Variants in CARHSP1 observed in about 807,000 individuals in gnomAD.
CARHSP1 encodes the protein calcium-regulated heat-stable protein 1.
Under a neutral mutation model 12.5 loss-of-function variants are expected in CARHSP1, and 14 were observed. The observed-to-expected ratio is 1.12, with a 90% CI of 0.74 to 1.75. The LOEUF is 1.75. CARHSP1 is among the 40% of genes most tolerant of loss of function. CARHSP1 has a pLI of 0.00. For missense variants in CARHSP1, 343 were observed against 201.6 expected (o/e 1.70, Z -4.25); for synonymous variants, 161 against 82.0 (o/e 1.96, Z -5.20).
rs1026405059 is a variant in CARHSP1, at chr16:8,853,740, C to G, written c.*1424G>C. 4 of 152,146 alleles carry G rather than the reference C, an allele frequency of 2.6e-5. No homozygotes were observed. The highest frequency in any genetic ancestry group is 9.7e-5 in the African/African-American group (4 of 41,424). 9.4% of individuals were successfully genotyped at this position (152,146 alleles called of 1,614,324 possible). A position where few individuals can be genotyped will look rare whatever the true frequency, so the allele number is the denominator to read the frequency against. On this transcript the variant is annotated 3_prime_UTR_variant, in exon 4 of 4. Transcript: ENST00000311052. ...CTTTGAAATCATGACTAAAGCCAAA[C>G]CACAACCACAGCAAAGATAACCTAA...
At chr16:8,856,629 G>A (rs903160186) in intron 3 of CARHSP1, among the ~76,000 whole-genome samples, 11 of 149,864 alleles carry the variant, frequency 7.3e-5, no homozygotes, top group Admixed American at 4.9e-4. Flanking sequence ...TGGGGCGGGG[G>A]TGGGCAAAGG....
At position 8,861,155 on chromosome 16, in the gene CARHSP1, CTAATTTTTTTTTTTTTTTTTT is replaced by C. The variant is rs2061340825; in HGVS notation, c.-7-1841_-7-1821del. ...TTCACTGTAGCCTTGACCTCCATGC[CTAATTTTTTTTTTTTTTTTTT>C]TTTTTTTTTTTTTTTTTTTTTTTAT... is the stretch of plus-strand genomic sequence containing the variant. On this transcript the variant is annotated intron_variant, in intron 1 of 3. Transcript: ENST00000311052. Among the ~76,000 whole-genome samples, 2 of 131,690 alleles carry C rather than the reference CTAATTTTTTTTTTTTTTTTTT, an allele frequency of 1.5e-5. 1 individual carries two copies. The highest frequency in any genetic ancestry group is 3.2e-5 in the Non-Finnish European group (2 of 63,334). The allele number at this position is 131,690 out of a possible 152,430, so 86.4% of individuals were successfully genotyped here.
chr16:8,865,727 G>A (rs1481506849), intron 1 of CARHSP1, among the ~76,000 whole-genome samples: 2 of 152,202 alleles, frequency 1.3e-5, no homozygotes, highest in Non-Finnish European at 2.9e-5. Context: ...ACAGACTTCT[G>A]CGTCAGGCCC....
At chr16:8,864,626 A>G (rs1335375406) in intron 1 of CARHSP1, among the ~76,000 whole-genome samples, 4 of 152,218 alleles carry the variant, frequency 2.6e-5, no homozygotes, top group Non-Finnish European at 5.9e-5. Flanking sequence ...CCAGCAGGGT[A>G]AGGGGGAGAG....
chr16:8,863,512 G>C (rs1371332419), intron 1 of CARHSP1, among the ~76,000 whole-genome samples: 2 of 152,224 alleles, frequency 1.3e-5, no homozygotes, highest in South Asian at 2.1e-4. Context: ...GCAGGAGGTG[G>C]CTACATTCCT....
At chr16:8,855,578 G>A (rs372817188) in intron 3 of CARHSP1, among the ~76,000 whole-genome samples, 156 of 152,344 alleles carry the variant, frequency 1.0e-3, no homozygotes, top group African/African-American at 3.5e-3. Flanking sequence ...AACTGAAAGA[G>A]TTCAGCCACC....
intron 3 of CARHSP1, among the ~76,000 whole-genome samples, chr16:8,856,260 T>C (rs2061101647): frequency 6.6e-6 from 1 of 152,146 alleles, no homozygotes; most frequent in African/African-American, 2.4e-5. Flanking sequence ...GTCCCCTTGA[T>C]GAAACCCCCC....
In CARHSP1 at chr16:8,854,327, A is replaced by C. The variant is rs1395111772; in HGVS notation, c.*837T>G. 1 of 152,168 alleles carries C rather than the reference A, an allele frequency of 6.6e-6. No homozygotes were observed. Among genetic ancestry groups the C allele is most frequent in the African/African-American group, 2.4e-5 (1 of 41,430 alleles). The allele number at this position is 152,168 out of a possible 1,614,324, so 9.4% of individuals were successfully genotyped here. Reference sequence around the variant, plus strand: ...ATCGGGACAAAGTTTTTAAACAAAGACTGTGTCCTCTCCACAAGCCCTTCC... The same window carrying C: ...ATCGGGACAAAGTTTTTAAACAAAGCCTGTGTCCTCTCCACAAGCCCTTCC... On this transcript the variant is annotated 3_prime_UTR_variant, in exon 4 of 4. Coordinates refer to ENST00000311052, the MANE Select transcript of CARHSP1 (RefSeq NM_014316.4).
chr16:8,857,261 CTGTTTTTTTTTTTTTTTTT>C (rs1349302551), intron 3 of CARHSP1, among the ~76,000 whole-genome samples: 2 of 44,302 alleles, frequency 4.5e-5, no homozygotes, highest in African/African-American at 2.0e-4. Flanking sequence ...TTGGGCAGAT[CTGTTTTTTTTTTTTTTTTT>C]TTTTTTTTTT....
At chr16:8,858,670 A>C in intron 2 of CARHSP1, 198 bp from the exon 3 acceptor site, 1 of 590,856 alleles carries the variant, frequency 1.7e-6, no homozygotes, top group Non-Finnish European at 2.8e-6. Flanking sequence ...TCTTTGGATG[A>C]CCCTGGCCAA....
chr16:8,858,790 T>G (rs988066), intron 2 of CARHSP1: 109,016 of 418,284 alleles, frequency 0.26, 15,528 homozygotes, highest in African/African-American at 0.43. Context: ...CATCCTCCAC[T>G]CGCAAGGCCT....
Position 8,855,176 on chromosome 16 carries a change from G to A in CARHSP1, c.432C>T (p.Val144=). ...CTTCCACCATCTCCTAGGAGCTGAT[G>A]ACATGTCCAGACCAGGTCTCATGCT... ...GTKHETWSGH[V]ISS The change falls in exon 4 of 4, where the codon GTC becomes GTT. Residue 144 remains valine, a synonymous_variant. Coordinates refer to ENST00000311052, the MANE Select transcript of CARHSP1 (RefSeq NM_014316.4). 6 of 1,600,450 alleles carry A rather than the reference G, an allele frequency of 3.7e-6. No individual in the cohort carries two copies. Among genetic ancestry groups the A allele is most frequent in the Non-Finnish European group, 5.1e-6 (6 of 1,171,798 alleles).
At chr16:8,860,314 T>TATGAA in intron 1 of CARHSP1, 1 of 985,090 alleles carries the variant, frequency 1.0e-6, no homozygotes, top group Non-Finnish European at 1.2e-6. Context: ...ACCACGCTGT[T>TATGAA]ATGAAATCAA....
intron 1 of CARHSP1, chr16:8,860,292 A>G (rs1277986869): frequency 3.0e-6 from 3 of 984,258 alleles, no homozygotes; most frequent in Non-Finnish European, 3.6e-6. Context: ...GAATTTCCAC[A>G]CAGCCCGGGT....
At chr16:8,864,314 C>T (rs891589481) in intron 1 of CARHSP1, among the ~76,000 whole-genome samples, 1 of 143,134 alleles carries the variant, frequency 7.0e-6, no homozygotes, top group African/African-American at 2.5e-5. Context: ...CTCACCTCAC[C>T]GCACAGCACG....
At chr16:8,856,512 T>C (rs903190830) in intron 3 of CARHSP1, among the ~76,000 whole-genome samples, 8 of 152,142 alleles carry the variant, frequency 5.3e-5, no homozygotes, top group African/African-American at 1.9e-4. Context: ...TCAAAATCCT[T>C]TCTGGGACAA....
chr16:8,855,056 C>T lies in CARHSP1; in HGVS notation c.*108G>A, dbSNP rs939101117. ...CAGGAGATACTTGAGAGGGACCATG[C>T]CCGGCTGAAGCCCCGTCTCGTGTGG... On this transcript the variant is annotated 3_prime_UTR_variant, in exon 4 of 4. Transcript: ENST00000311052. The T allele has an allele frequency of 5.7e-5, 56 of 981,532 alleles. 1 individual carries two copies. Among genetic ancestry groups the T allele is most frequent in the Middle Eastern group, 6.1e-4 (2 of 3,286 alleles). 60.8% of individuals were successfully genotyped at this position (981,532 alleles called of 1,614,324 possible). A position where few individuals can be genotyped will look rare whatever the true frequency, so the allele number is the denominator to read the frequency against.
chr16:8,853,193 A>G lies in CARHSP1; in HGVS notation c.*1971T>C, dbSNP rs1182593868. 1 of 152,114 alleles carries G rather than the reference A, an allele frequency of 6.6e-6. No homozygotes were observed. Among genetic ancestry groups the G allele is most frequent in the Non-Finnish European group, 1.5e-5 (1 of 68,038 alleles). The allele number at this position is 152,114 out of a possible 1,614,324, so 9.4% of individuals were successfully genotyped here. ...GAAGGACAGAGTAAGAGCCGCTGACAAAGGATTCTGCCAAGACAGAATCCC... is the reference window on the plus strand; with the variant it reads ...GAAGGACAGAGTAAGAGCCGCTGACGAAGGATTCTGCCAAGACAGAATCCC... On this transcript the variant is annotated 3_prime_UTR_variant, in exon 4 of 4. Transcript: ENST00000311052.
In CARHSP1 at chr16:8,853,084, T is replaced by G. The variant is rs765632588; in HGVS notation, c.*2080A>C. The G allele has an allele frequency of 6.6e-6, 1 of 152,160 alleles. No homozygotes were observed. The highest frequency in any genetic ancestry group is 1.5e-5 in the Non-Finnish European group (1 of 68,042). The allele number at this position is 152,160 out of a possible 1,614,324, so 9.4% of individuals were successfully genotyped here. A position where few individuals can be genotyped will look rare whatever the true frequency, so the allele number is the denominator to read the frequency against. ...CAGAGCCTCGAGGAGTTTCCCCTTG[T>G]GTAAACCGGTATCGCGTCCCTTCCA... is the stretch of plus-strand genomic sequence containing the variant. On this transcript the variant is annotated 3_prime_UTR_variant, in exon 4 of 4. Transcript: ENST00000311052.
Sources: gnomAD v4.1 joint callset for allele counts (sites outside exome capture counted in the v4.1 genomes callset) on GRCh38, gnomAD v4.1.1 for gene constraint, MANE v1.5 for transcripts, NCBI Gene and HGNC (gene_info 2026-07-23, HGNC 2026-07-21) for gene names.